DSC1: variants seen among roughly 807,000 people sequenced by gnomAD.
DSC1 encodes desmocollin-1.
DSC1 carries 79 observed loss-of-function variants against 98.8 expected under a neutral mutation model. The ratio of observed to expected loss-of-function variants is 0.80; its 90% CI spans 0.67 to 0.96. The LOEUF (loss-of-function observed/expected upper bound fraction) is 0.96. Among genes scored for constraint, DSC1 ranks in the 50% least tolerant of loss-of-function variants. The pLI, the probability that DSC1 is intolerant of heterozygous loss-of-function variation, is 0.00. For missense variants in DSC1, 1,115 were observed against 1,075.9 expected (o/e 1.04, Z -0.51); for synonymous variants, 405 against 372.1 (o/e 1.09, Z -1.02).
At chr18:31,134,932 T>A (rs1341104897) in intron 11 of DSC1, 148 bp from the exon 12 acceptor site, 7 of 686,346 alleles carry the variant, frequency 1.0e-5, no homozygotes, top group Non-Finnish European at 1.4e-5. Flanking sequence ...ACACCAAGAC[T>A]ACAAAATAGG....
intron 1 of DSC1, 67 bp downstream of exon 1, chr18:31,162,465 C>T: frequency 1.3e-6 from 2 of 1,512,736 alleles, no homozygotes; most frequent in Non-Finnish European, 1.8e-6. Flanking sequence ...CTCTTTCAAG[C>T]CCAAACTGCA....
chr18:31,142,032 T>A lies in DSC1; in HGVS notation c.1227A>T (p.Pro409=). The A allele has an allele frequency of 6.2e-7, 1 of 1,609,728 alleles. No individual in the cohort carries two copies. Among genetic ancestry groups the A allele is most frequent in the Non-Finnish European group, 8.5e-7 (1 of 1,179,068 alleles). ...CACACAGCACTCCTTCATTTGTATTTGGATCTGTGCTAATTATGAAGTTTC... is the reference window on the plus strand; with the variant it reads ...CACACAGCACTCCTTCATTTGTATTAGGATCTGTGCTAATTATGAAGTTTC... ...ENGNFIISTD[P]NTNEGVLCVV... Residue 409 remains proline, a synonymous_variant, in exon 9 of 16, where the codon CCA becomes CCT. Transcript: ENST00000257198.
chr18:31,147,730 A>G (rs1009167641), intron 6 of DSC1, among the ~76,000 whole-genome samples: 43 of 152,172 alleles, frequency 2.8e-4, no homozygotes, highest in Non-Finnish European at 4.4e-4. Context: ...CAACACTGAT[A>G]TTATAAGATT....
At position 31,157,363 on chromosome 18, in the gene DSC1, C is replaced by A. The variant is rs1326657501; in HGVS notation, c.351+8G>T. On this transcript the variant is annotated splice_region_variant and intron_variant, in intron 3 of 15. Transcript: ENST00000257198. ...CTGTGCTAGGCTGCTTAAGCCCTTG[C>A]CTTATACCTTGTTTTCTCTTGCTGA... 1 of 1,613,914 alleles carries A rather than the reference C, an allele frequency of 6.2e-7. No individual in the cohort carries two copies. Among genetic ancestry groups the A allele is most frequent in the Non-Finnish European group, 8.5e-7 (1 of 1,179,882 alleles).
chr18:31,142,447 C>T (rs377082041), intron 8 of DSC1, among the ~76,000 whole-genome samples: 2 of 152,058 alleles, frequency 1.3e-5, no homozygotes, highest in African/African-American at 4.8e-5. Context: ...CATTCTAGAC[C>T]TCAGATTTAT....
chr18:31,142,485 C>T (rs945625109), intron 8 of DSC1, among the ~76,000 whole-genome samples: 1 of 152,098 alleles, frequency 6.6e-6, no homozygotes, highest in African/African-American at 2.4e-5. Flanking sequence ...ACAATATTTA[C>T]AGTCTATCCT....
chr18:31,155,010 T>TA (rs1331756562), intron 4 of DSC1, 81 bp from the exon 5 acceptor site: 1 of 1,475,646 alleles, frequency 6.8e-7, no homozygotes, highest in Non-Finnish European at 9.3e-7. Context: ...TTTATTTTTT[T>TA]ACCACTACCC....
Position 31,156,111 on chromosome 18 carries a change from G to T in DSC1, c.403C>A (p.Arg135=), listed in dbSNP as rs773655264. The T allele has an allele frequency of 1.9e-6, 3 of 1,614,186 alleles. No individual in the cohort carries two copies. The highest frequency in any genetic ancestry group is 1.3e-5 in the African/African-American group (1 of 75,068). Residue 135 remains arginine (R), a synonymous_variant, in exon 4 of 16, where the codon CGA becomes AGA. Coordinates refer to ENST00000257198, the MANE Select transcript of DSC1 (RefSeq NM_024421.2). ...AATGAAGCTGGAATAGGAGCCCATCGTCTCTTGCTGCGCTTGAGGGCTGTG... is the reference window on the plus strand; with the variant it reads ...AATGAAGCTGGAATAGGAGCCCATCTTCTCTTGCTGCGCTTGAGGGCTGTG... ...KDTALKRSKR[R]WAPIPASLME... is the part of the protein sequence containing the mutation.
In DSC1 at chr18:31,154,826, C is replaced by T; in HGVS notation, c.575G>A (p.Gly192Glu). ...AATGCTCCTTGTACAAAAGATATCC[C>T]CAGTGTCTTTCTCTATGTAAAACAA... ...FNLFYIEKDT[G>E]DIFCTRSIDR... Residue 192 changes from glycine (G) to glutamate (E), a missense_variant, in exon 5 of 16, where the codon GGG (glycine) becomes GAG (glutamate). By Grantham distance (98) the Gly-to-Glu change is moderately conservative. Transcript: ENST00000257198. 1 of 1,613,972 alleles carries T rather than the reference C, an allele frequency of 6.2e-7. No individual in the cohort carries two copies. Among genetic ancestry groups the T allele is most frequent in the Non-Finnish European group, 8.5e-7 (1 of 1,179,922 alleles).
rs1988439170 is a variant in DSC1, at chr18:31,129,513, A to C, written c.*1001T>G. On this transcript the variant is annotated 3_prime_UTR_variant, in exon 16 of 16. Coordinates refer to ENST00000257198, the MANE Select transcript of DSC1 (RefSeq NM_024421.2). ...TTTAGGCTGAGTCTTAAGTTCTAATACAGATGGTAATTCAATTTCTGGCAT... is the reference window on the plus strand; with the variant it reads ...TTTAGGCTGAGTCTTAAGTTCTAATCCAGATGGTAATTCAATTTCTGGCAT... The C allele has an allele frequency of 6.6e-6, 1 of 152,088 alleles. No individual in the cohort carries two copies. Among genetic ancestry groups the C allele is most frequent in the African/African-American group, 2.4e-5 (1 of 41,396 alleles). The allele number at this position is 152,088 out of a possible 1,614,324, so 9.4% of individuals were successfully genotyped here.
chr18:31,145,753 G>A lies in DSC1; in HGVS notation c.797C>T (p.Ala266Val), dbSNP rs1276699270. The part of the protein sequence containing the change: ...RSGTSVGKVT[A>V]TDLDEPDTLH... ...AGTGTCAGGTTCGTCAAGGTCTGTGGCGGTCACTTTTCCCACTGAAGTTCC... is the reference window on the plus strand; with the variant it reads ...AGTGTCAGGTTCGTCAAGGTCTGTGACGGTCACTTTTCCCACTGAAGTTCC... Residue 266 changes from alanine to valine, a missense_variant, in exon 7 of 16, where the codon GCC (alanine) becomes GTC (valine). Physicochemically the swap from Ala to Val is moderately conservative, Grantham distance 64. Transcript: ENST00000257198. The A allele has an allele frequency of 6.2e-7, 1 of 1,613,964 alleles. No homozygotes were observed. The highest frequency in any genetic ancestry group is 1.3e-5 in the African/African-American group (1 of 75,018).
In DSC1 at chr18:31,140,247, C is replaced by T. The variant is rs141453659; in HGVS notation, c.1315G>A (p.Glu439Lys). The change falls in exon 10 of 16, where the codon GAG (glutamate) becomes AAG (lysine). Residue 439 changes from glutamate to lysine, a missense_variant. By Grantham distance (56) the Glu-to-Lys change is moderately conservative. Coordinates refer to ENST00000257198, the MANE Select transcript of DSC1 (RefSeq NM_024421.2). ...CTCGCTGCTTTAGAGAATTGTGCCT[C>T]GTTAATGACACCAACTTGCAAAATA... ...QVILQVGVIN[E>K]AQFSKAASSQ... 5.0e-5 allele frequency: 81 copies of T among 1,613,978 alleles called. No individual in the cohort carries two copies. Among genetic ancestry groups the T allele is most frequent in the Admixed American group, 1.8e-4 (11 of 59,994 alleles).
chr18:31,157,557 A>C lies in DSC1; in HGVS notation c.165T>G (p.Cys55Trp). ...TLVGKVNLEE[C>W]LKSASLIRSS... Reference sequence around the variant, plus strand: ...ACCGGATTAGGCTGGCCGACTTGAGACACTCCTCCAGATTCACTGCAGGGA... The same window carrying C: ...ACCGGATTAGGCTGGCCGACTTGAGCCACTCCTCCAGATTCACTGCAGGGA... The change falls in exon 3 of 16, where the codon TGT becomes TGG. Residue 55 changes from cysteine to tryptophan, a missense_variant. By Grantham distance (215) the Cys-to-Trp change is radical. Transcript: ENST00000257198. The C allele has an allele frequency of 6.2e-7, 1 of 1,614,162 alleles. No homozygotes were observed. The highest frequency in any genetic ancestry group is 1.3e-5 in the African/African-American group (1 of 75,056).
rs1989092895 is a variant in DSC1 at position 31,156,127 on chromosome 18, G to C, written c.387C>G (p.Leu129=). 4 of 1,614,032 alleles carry C rather than the reference G, an allele frequency of 2.5e-6. No homozygotes were observed. The highest frequency in any genetic ancestry group is 3.4e-6 in the Non-Finnish European group (4 of 1,180,024). The stretch of plus-strand genomic sequence containing the variant: ...GAGCCCATCGTCTCTTGCTGCGCTT[G>C]AGGGCTGTGTCTTTGGTATGTCTCT... ...PKKRHTKDTA[L]KRSKRRWAPI... The change falls in exon 4 of 16, where the codon CTC becomes CTG. Residue 129 remains leucine (L), a synonymous_variant. Coordinates refer to ENST00000257198, the MANE Select transcript of DSC1 (RefSeq NM_024421.2).
chr18:31,156,101 G>C lies in DSC1; in HGVS notation c.413C>G (p.Pro138Arg), dbSNP rs921688272. The change falls in exon 4 of 16, where the codon CCT becomes CGT. Residue 138 changes from proline (P) to arginine (R), a missense_variant. Coordinates refer to ENST00000257198, the MANE Select transcript of DSC1 (RefSeq NM_024421.2). ...GTTCTCCATCAATGAAGCTGGAATA[G>C]GAGCCCATCGTCTCTTGCTGCGCTT... Reference protein sequence around the residue: ...ALKRSKRRWAPIPASLMENSL... With the variant: ...ALKRSKRRWARIPASLMENSL... 1 of 1,614,080 alleles carries C rather than the reference G, an allele frequency of 6.2e-7. No homozygotes were observed. Among genetic ancestry groups the C allele is most frequent in the African/African-American group, 1.3e-5 (1 of 74,942 alleles).
At chr18:31,159,086 G>T (rs1329105866) in intron 2 of DSC1, among the ~76,000 whole-genome samples, 2 of 69,560 alleles carry the variant, frequency 2.9e-5, no homozygotes, top group East Asian at 1.1e-3. Flanking sequence ...TTGCTCTGTC[G>T]CCCAGGCCGG....
Position 31,157,556 on chromosome 18 carries a change from G to A in DSC1, c.166C>T (p.Leu56Phe), listed in dbSNP as rs370542497. Reference sequence around the variant, plus strand: ...GACCGGATTAGGCTGGCCGACTTGAGACACTCCTCCAGATTCACTGCAGGG... The same window carrying A: ...GACCGGATTAGGCTGGCCGACTTGAAACACTCCTCCAGATTCACTGCAGGG... Reference protein sequence around the residue: ...LVGKVNLEECLKSASLIRSSD... With the variant: ...LVGKVNLEECFKSASLIRSSD... The change falls in exon 3 of 16, where the codon CTC becomes TTC. Residue 56 changes from leucine (L) to phenylalanine (F), a missense_variant. By Grantham distance (22) the Leu-to-Phe change is conservative. Transcript: ENST00000257198. 4 of 1,614,076 alleles carry A rather than the reference G, an allele frequency of 2.5e-6. No individual in the cohort carries two copies. The African/African-American group carries it at 5.3e-5, about 22-fold the overall frequency.
At chr18:31,141,789 G>A (rs993311960) in intron 9 of DSC1, among the ~76,000 whole-genome samples, 6 of 152,100 alleles carry the variant, frequency 3.9e-5, no homozygotes, top group Non-Finnish European at 5.9e-5. Context: ...TTCATATAGA[G>A]AACAATGAGT....
At chr18:31,139,624 T>C (rs922252618) in intron 11 of DSC1, 124 bp downstream of exon 11, 22 of 1,036,454 alleles carry the variant, frequency 2.1e-5, no homozygotes, top group Admixed American at 6.4e-5. Flanking sequence ...TCCAATAACA[T>C]GAACAATAAA....
Sources: gnomAD v4.1 joint callset for allele counts (sites outside exome capture counted in the v4.1 genomes callset) on GRCh38, gnomAD v4.1.1 for gene constraint, MANE v1.5 for transcripts, NCBI Gene and HGNC (gene_info 2026-07-23, HGNC 2026-07-21) for gene names.